The following MME variants were observed in gnomAD, a reference collection of about 807,000 sequenced individuals.
MME encodes membrane metalloendopeptidase, also known as neprilysin.
In MME, 98 loss-of-function variants were observed where a neutral mutation model predicts 113.2. The observed-to-expected ratio is 0.87, with a 90% CI of 0.74 to 1.02. The LOEUF (loss-of-function observed/expected upper bound fraction) is 1.02. MME is among the 50% of genes least tolerant of loss of function. The probability of loss-of-function intolerance (pLI) is 0.00; values close to 1 mark genes in which losing one functional copy is unlikely to be tolerated. For synonymous variants in MME, 292 were observed against 300.6 expected, an observed-to-expected ratio of 0.97 and a Z score of 0.30; for missense variants, 836 against 896.0, an observed-to-expected ratio of 0.93 and a Z score of 0.86.
rs536911730 is a variant in MME, at chr3:155,061,570, T to C, written c.-10-22588T>C. On this transcript the variant is annotated intron_variant, in intron 1 of 22. Transcript: ENST00000492661. ...CCACATTACAAACCTGTATTTGTTATTGATGTATAGAAATAAAATTAATTT... is the reference window on the plus strand; with the variant it reads ...CCACATTACAAACCTGTATTTGTTACTGATGTATAGAAATAAAATTAATTT... 2.0e-5 allele frequency among the ~76,000 whole-genome samples: 3 copies of C among 152,206 alleles called. No individual in the cohort carries two copies. In the East Asian group the frequency reaches 5.8e-4, roughly 29 times the overall value.
Position 155,142,132 on chromosome 3 carries a change from G to T in MME, c.1094+5G>T, listed in dbSNP as rs1048105813. ...TCTTACCAAATATTCTGCCAGGTAG[G>T]TATGTCACAGTCCCCATGTCCTCAA... On this transcript the variant is annotated splice_donor_5th_base_variant and intron_variant, in intron 11 of 22. Coordinates refer to ENST00000360490, the MANE Select transcript of MME (RefSeq NM_007289.4). The T allele has an allele frequency of 4.3e-6, 7 of 1,613,752 alleles. No homozygotes were observed. Among genetic ancestry groups the T allele is most frequent in the Non-Finnish European group, 5.9e-6 (7 of 1,179,758 alleles).
chr3:155,128,554 A>C (rs1719877334), intron 8 of MME, among the ~76,000 whole-genome samples: 1 of 152,116 alleles, frequency 6.6e-6, no homozygotes, highest in Non-Finnish European at 1.5e-5. Flanking sequence ...TTTCTCCCTT[A>C]TAGGCTTTTA....
At chr3:155,081,262 T>TTA (rs1715118548) in intron 1 of MME, 1 of 152,244 alleles carries the variant, frequency 6.6e-6, no homozygotes. Flanking sequence ...AGTCTAAGTC[T>TTA]GTAAGTCAAT....
chr3:155,075,536 G>GT (rs1328861423), upstream of MME, among the ~76,000 whole-genome samples: 4 of 151,466 alleles, frequency 2.6e-5, no homozygotes, highest in African/African-American at 9.7e-5. Context: ...GTTTAATTTT[G>GT]TTTTTTCTTT....
chr3:155,133,684 A>AGTGTGTGTATATATATGGTGTG (rs2108295108), intron 8 of MME, among the ~76,000 whole-genome samples: 1 of 92,588 alleles, frequency 1.1e-5, no homozygotes, highest in South Asian at 4.2e-4. Context: ...ATATATATAT[A>AGTGTGTGTATATATATGGTGTG]TATACCATAC....
At chr3:155,163,267 A>G (rs1175252213) in intron 17 of MME, among the ~76,000 whole-genome samples, 1 of 152,116 alleles carries the variant, frequency 6.6e-6, no homozygotes, top group Non-Finnish European at 1.5e-5. Flanking sequence ...TTATGTTGTT[A>G]TGTTAAAAAA....
chr3:155,072,250 T>G (rs1240664014), intron 1 of MME, among the ~76,000 whole-genome samples: 2 of 146,770 alleles, frequency 1.4e-5, no homozygotes, highest in Non-Finnish European at 3.0e-5. Context: ...CCCATCCTCC[T>G]CATTCCCATC....
intron 17 of MME, among the ~76,000 whole-genome samples, chr3:155,163,718 A>T (rs1005773516): frequency 5.9e-5 from 9 of 152,176 alleles, no homozygotes; most frequent in African/African-American, 2.2e-4. Flanking sequence ...CAGTGTGTTC[A>T]GTCTGTGTCG....
At chr3:155,112,840 A>G (rs1718295245) in intron 3 of MME, 1 of 152,242 alleles carries the variant, frequency 6.6e-6, no homozygotes, top group African/African-American at 2.4e-5. Flanking sequence ...ACACATAACC[A>G]TAATTGCACC....
chr3:155,118,640 C>T (rs1718823590), intron 7 of MME, 106 bp from the exon 8 acceptor site: 1 of 764,444 alleles, frequency 1.3e-6, no homozygotes. Context: ...ACCCCATAAA[C>T]AGCAAGAGTA....
chr3:155,121,446 A>G lies in MME; in HGVS notation c.720+2635A>G, dbSNP rs1318837409. 6.0e-5 allele frequency among the ~76,000 whole-genome samples: 9 copies of G among 150,250 alleles called. No individual in the cohort carries two copies. In the South Asian group the frequency reaches 1.9e-3, roughly 32 times the overall value. Reference sequence around the variant, plus strand: ...CTAATTGCCCTGGCCAGAACTTCCAACACTATGTTGAATAGGAGTGGTGAG... The same window carrying G: ...CTAATTGCCCTGGCCAGAACTTCCAGCACTATGTTGAATAGGAGTGGTGAG... On this transcript the variant is annotated intron_variant, in intron 8 of 22. Coordinates refer to ENST00000360490, the MANE Select transcript of MME (RefSeq NM_007289.4).
At chr3:155,104,339 C>T (rs186319015) in intron 3 of MME, among the ~76,000 whole-genome samples, 22 of 152,080 alleles carry the variant, frequency 1.4e-4, no homozygotes, top group Admixed American at 1.2e-3. Context: ...CTATTTAATC[C>T]GTAAAAAATA....
At chr3:155,042,564 TC>T (rs1713364691) in intron 1 of MME, among the ~76,000 whole-genome samples, 1 of 152,074 alleles carries the variant, frequency 6.6e-6, no homozygotes, top group Non-Finnish European at 1.5e-5. Flanking sequence ...TTTACATTTT[TC>T]AATTTGAATA....
chr3:155,048,654 C>T (rs1713649838), intron 1 of MME, among the ~76,000 whole-genome samples: 1 of 152,036 alleles, frequency 6.6e-6, no homozygotes, highest in Non-Finnish European at 1.5e-5. Flanking sequence ...AATTCTTTGT[C>T]CTTGAAGTTT....
chr3:155,145,510 A>AG (rs1388402126), intron 14 of MME, among the ~76,000 whole-genome samples: 8 of 152,032 alleles, frequency 5.3e-5, no homozygotes, highest in Non-Finnish European at 8.8e-5. Flanking sequence ...GGTTGGGGGC[A>AG]GGGGGGCAGA....
intron 1 of MME, among the ~76,000 whole-genome samples, chr3:155,042,940 G>GTATATATATATATATATATATATGTATA (rs57585504): frequency 5.6e-5 from 3 of 53,576 alleles, no homozygotes; most frequent in African/African-American, 7.6e-5. Flanking sequence ...ATATATATAT[G>GTATATATATATATATATATATATGTATA]TATATATATA....
chr3:155,115,104 C>G lies in MME; in HGVS notation c.307C>G (p.Arg103Gly). 1.9e-6 allele frequency: 3 copies of G among 1,613,998 alleles called. No homozygotes were observed. The highest frequency in any genetic ancestry group is 2.5e-6 in the Non-Finnish European group (3 of 1,179,992). The change falls in exon 4 of 23, where the codon CGT becomes GGT. Residue 103 changes from arginine to glycine, a missense_variant. Transcript: ENST00000360490. ...TAATGTCATTCCCGAGACCAGCTCC[C>G]GTTACGGCAACTTTGACATTTTAAG... ...KRNVIPETSSRYGNFDILRDE... is the reference protein window; with the variant it reads ...KRNVIPETSSGYGNFDILRDE...
chr3:155,133,063 ATATAT>A (rs1378382071), intron 8 of MME, among the ~76,000 whole-genome samples: 2 of 95,138 alleles, frequency 2.1e-5, no homozygotes, highest in African/African-American at 4.6e-5. Flanking sequence ...AAAAAAAAAA[ATATAT>A]ATATATATAT....
At chr3:155,049,253 A>T (rs1390459720) in intron 1 of MME, among the ~76,000 whole-genome samples, 1 of 152,170 alleles carries the variant, frequency 6.6e-6, no homozygotes, top group African/African-American at 2.4e-5. Flanking sequence ...AGATAAGATT[A>T]TGCCGGATTA....
Sources: allele counts gnomAD v4.1 joint callset (sites outside exome capture counted in the v4.1 genomes callset), GRCh38; gene constraint gnomAD v4.1.1; transcripts MANE v1.5; gene names NCBI Gene and HGNC (gene_info 2026-07-23, HGNC 2026-07-21).